The following RUVBL1 variants were observed in gnomAD, a reference collection of about 807,000 sequenced individuals.
RUVBL1 encodes the protein RuvB like AAA ATPase 1.
RUVBL1 carries 4 observed loss-of-function variants against 52.4 expected under a neutral mutation model. The observed-to-expected ratio is 0.08, with a 90% confidence interval of 0.04 to 0.17. The LOEUF (loss-of-function observed/expected upper bound fraction) is 0.17, where lower values mean the gene tolerates loss of function less well. Ranked by LOEUF, RUVBL1 falls within the 10% of genes least tolerant of loss-of-function variation. The pLI, the probability that RUVBL1 is intolerant of heterozygous loss-of-function variation, is 1.00. For synonymous variants in RUVBL1, 217 were observed against 214.4 expected, an observed-to-expected ratio of 1.01 and a Z score of -0.10; for missense variants, 298 against 572.8, an observed-to-expected ratio of 0.52 and a Z score of 4.90.
chr3:128,128,929 C>G (rs956250337), intron 1 of RUVBL1, among the ~76,000 whole-genome samples: 23 of 152,152 alleles, frequency 1.5e-4, no homozygotes, highest in African/African-American at 5.6e-4. Flanking sequence ...TCTCAAAGGC[C>G]TTGCTCCACC....
chr3:128,067,053 C>T lies in RUVBL1; in HGVS notation c.940-1833G>A. ...CTATACGTCCAACATCCCCATCATC[C>T]TGCAGTCTGCCCTGGTGTCCAACCT... On this transcript the variant is annotated intron_variant, in intron 9 of 9. Transcript: ENST00000464873. The surrounding 1 kb of genome is among the most constrained non-coding windows in gnomAD (Gnocchi z 4.1). 2 of 1,614,240 alleles carry T rather than the reference C, an allele frequency of 1.2e-6. No individual in the cohort carries two copies. Among genetic ancestry groups the T allele is most frequent in the African/African-American group, 1.3e-5 (1 of 75,068 alleles).
chr3:128,071,967 G>A (rs2107658025), intron 9 of RUVBL1, among the ~76,000 whole-genome samples: 1 of 152,376 alleles, frequency 6.6e-6, no homozygotes, highest in East Asian at 1.9e-4. Context: ...GAGCCAGGGC[G>A]CCTGCCACCC....
At chr3:128,076,628 C>T (rs1433232744), downstream of RUVBL1, among the ~76,000 whole-genome samples, 1 of 152,040 alleles carries the variant, frequency 6.6e-6, no homozygotes, top group Admixed American at 6.5e-5. The surrounding 1 kb of genome is among the most constrained non-coding windows in gnomAD (Gnocchi z 6.8). Flanking sequence ...TAGGTGTGGT[C>T]CCTCCTCCCC....
At chr3:128,130,595 CAA>C (rs71153121) in intron 1 of RUVBL1, among the ~76,000 whole-genome samples, 14,722 of 103,742 alleles carry the variant, frequency 0.14, 1,317 homozygotes, top group African/African-American at 0.21. Context: ...CCCATCTCTA[CAA>C]AAAAAAAAAA....
At chr3:128,113,643 T>C (rs1293362692) in intron 2 of RUVBL1, among the ~76,000 whole-genome samples, 1 of 152,244 alleles carries the variant, frequency 6.6e-6, no homozygotes, top group African/African-American at 2.4e-5. Flanking sequence ...TGTATTATTT[T>C]TGTTATTGTA....
chr3:128,150,655 C>CAT (rs1944173329), intron 1 of RUVBL1, among the ~76,000 whole-genome samples: 2 of 129,666 alleles, frequency 1.5e-5, no homozygotes, highest in South Asian at 2.3e-4. Context: ...ATATTCTATA[C>CAT]ATATTCTATA....
chr3:128,083,434 G>C (rs777076359), intron 9 of RUVBL1: 1 of 152,398 alleles, frequency 6.6e-6, no homozygotes, highest in East Asian at 1.9e-4. Flanking sequence ...CCCAGCTTCA[G>C]CCTTCCAGGA....
chr3:128,153,599 C>T (rs369465462), exon 1 of RUVBL1: 1 of 1,589,990 alleles, frequency 6.3e-7, no homozygotes, highest in Non-Finnish European at 8.5e-7. Flanking sequence ...AGCACCACAG[C>T]CTCCACCGCC....
intron 9 of RUVBL1, among the ~76,000 whole-genome samples, chr3:128,085,799 G>A (rs1224094944): frequency 1.3e-5 from 2 of 152,166 alleles, no homozygotes; most frequent in Non-Finnish European, 2.9e-5. Context: ...GAAAGGTCCT[G>A]CTCACAAACT....
At chr3:128,076,749 C>T (rs554191778), downstream of RUVBL1, among the ~76,000 whole-genome samples, 55 of 152,234 alleles carry the variant, frequency 3.6e-4, no homozygotes, top group African/African-American at 1.1e-3. The surrounding 1 kb of genome is among the most constrained non-coding windows in gnomAD (Gnocchi z 6.8). Flanking sequence ...GCGCCGTGTG[C>T]CCCAGACCTG....
upstream of RUVBL1, among the ~76,000 whole-genome samples, chr3:128,128,012 A>G (rs928771595): frequency 9.7e-5 from 5 of 51,726 alleles, no homozygotes; most frequent in Non-Finnish European, 2.9e-4. Flanking sequence ...TAATAAATAC[A>G]TACATACATA....
intron 1 of RUVBL1, among the ~76,000 whole-genome samples, chr3:128,146,643 C>T (rs554353524): frequency 3.2e-4 from 46 of 144,668 alleles, no homozygotes; most frequent in African/African-American, 1.0e-3. Context: ...TGCATGTATG[C>T]GTGTGTGTCT....
intron 3 of RUVBL1, among the ~76,000 whole-genome samples, chr3:128,111,669 A>T (rs1943399745): frequency 6.6e-6 from 1 of 152,192 alleles, no homozygotes; most frequent in Non-Finnish European, 1.5e-5. Flanking sequence ...GAGCCCAGGG[A>T]TACCAGCACT....
At chr3:128,124,197 C>G (rs1419327810), upstream of RUVBL1, among the ~76,000 whole-genome samples, 1 of 152,050 alleles carries the variant, frequency 6.6e-6, no homozygotes, top group Non-Finnish European at 1.5e-5. Context: ...GGATTGGTTA[C>G]TAACCAATGT....
intron 8 of RUVBL1, among the ~76,000 whole-genome samples, chr3:128,096,409 C>G (rs1204563530): frequency 1.3e-5 from 2 of 152,160 alleles, no homozygotes; most frequent in African/African-American, 4.8e-5. Context: ...AGGATGAGCA[C>G]CGTATGAACA....
chr3:128,075,966 G>A (rs572952632), downstream of RUVBL1: 5 of 152,454 alleles, frequency 3.3e-5, no homozygotes, highest in African/African-American at 1.2e-4. Context: ...TTCGGACTTC[G>A]GGTCAGTCCC....
At chr3:128,139,185 T>C (rs1226518556) in intron 1 of RUVBL1, among the ~76,000 whole-genome samples, 2 of 151,974 alleles carry the variant, frequency 1.3e-5, no homozygotes, top group South Asian at 2.1e-4. Flanking sequence ...AAAACACAAA[T>C]GGGCAAATGA....
downstream of RUVBL1, among the ~76,000 whole-genome samples, chr3:128,078,432 T>C (rs1942389039): frequency 6.6e-6 from 1 of 152,138 alleles, no homozygotes; most frequent in African/African-American, 2.4e-5. Flanking sequence ...CAAGAGCCCT[T>C]CCCAGTCTCA....
At chr3:128,124,553 C>T (rs1943752189), upstream of RUVBL1, among the ~76,000 whole-genome samples, 1 of 152,186 alleles carries the variant, frequency 6.6e-6, no homozygotes, top group African/African-American at 2.4e-5. Flanking sequence ...CAAATTGTCC[C>T]TTCAGGTTTC....
Sources: gnomAD v4.1 joint callset for allele counts (sites outside exome capture counted in the v4.1 genomes callset) on GRCh38, gnomAD v4.1.1 for gene constraint, Gnocchi (gnomAD v3.1) non-coding constraint, MANE v1.5 for transcripts, NCBI Gene and HGNC (gene_info 2026-07-23, HGNC 2026-07-21) for gene names.